ERC1: variants seen among roughly 807,000 people sequenced by gnomAD.
ERC1 encodes the protein RAB6 interacting protein 2.
Under a neutral mutation model 132.0 loss-of-function variants are expected in ERC1, and 56 were observed. The observed-to-expected ratio is 0.42, with a 90% confidence interval of 0.34 to 0.53. The LOEUF (loss-of-function observed/expected upper bound fraction) is 0.53. Ranked by LOEUF, ERC1 falls within the 20% of genes least tolerant of loss-of-function variation. The pLI is 0.03. For missense variants in ERC1, 1,202 were observed against 1,349.9 expected (o/e 0.89, Z 1.72); for synonymous variants, 478 against 476.1 (o/e 1.00, Z -0.05).
chr12:1,432,484 G>A (rs2092825704), intron 17 of ERC1, among the ~76,000 whole-genome samples: 1 of 152,216 alleles, frequency 6.6e-6, no homozygotes, highest in African/African-American at 2.4e-5. Flanking sequence ...TCCTCAGGGT[G>A]AGGATGTCAG....
At chr12:1,472,997 C>T (rs1055630272) in intron 18 of ERC1, among the ~76,000 whole-genome samples, 3 of 152,094 alleles carry the variant, frequency 2.0e-5, no homozygotes, top group South Asian at 4.1e-4. Context: ...TTTGGATAGA[C>T]AGACCCGAAT....
At chr12:1,396,187 C>T (rs1404539678) in intron 16 of ERC1, among the ~76,000 whole-genome samples, 1 of 152,176 alleles carries the variant, frequency 6.6e-6, no homozygotes, top group Admixed American at 6.5e-5. Flanking sequence ...AGATAACTCA[C>T]TGTGGTAACA....
At chr12:1,231,434 G>A (rs954853945) in intron 12 of ERC1, among the ~76,000 whole-genome samples, 1 of 152,084 alleles carries the variant, frequency 6.6e-6, no homozygotes, top group African/African-American at 2.4e-5. Context: ...TTTTATGCTA[G>A]TTAAAATTGA....
chr12:1,151,582 G>A (rs1046643586), intron 8 of ERC1, among the ~76,000 whole-genome samples: 1 of 152,134 alleles, frequency 6.6e-6, no homozygotes, highest in Non-Finnish European at 1.5e-5. Flanking sequence ...TTCCTTGGAG[G>A]TTTATACAAA....
At chr12:1,285,372 CAA>C (rs1296310501) in intron 14 of ERC1, among the ~76,000 whole-genome samples, 1 of 152,072 alleles carries the variant, frequency 6.6e-6, no homozygotes, top group Non-Finnish European at 1.5e-5. Context: ...TTTTATAAAA[CAA>C]ATCCACAAAG....
chr12:1,369,886 T>C (rs2087022369), intron 15 of ERC1, among the ~76,000 whole-genome samples: 1 of 152,220 alleles, frequency 6.6e-6, no homozygotes, highest in Non-Finnish European at 1.5e-5. Flanking sequence ...CGAGTACACA[T>C]CTTCTATTTG....
intron 17 of ERC1, among the ~76,000 whole-genome samples, chr12:1,438,590 AT>A (rs1483608906): frequency 6.6e-6 from 1 of 152,208 alleles, no homozygotes; most frequent in African/African-American, 2.4e-5. Flanking sequence ...CGTAGTAGAT[AT>A]AAAAATAATT....
At chr12:1,245,748 G>C (rs1191493505) in intron 13 of ERC1, among the ~76,000 whole-genome samples, 1 of 152,044 alleles carries the variant, frequency 6.6e-6, no homozygotes, top group African/African-American at 2.4e-5. Context: ...ACACTTTTTT[G>C]TCATTTATCA....
At chr12:1,388,138 G>C (rs1035851688) in intron 16 of ERC1, among the ~76,000 whole-genome samples, 2 of 152,080 alleles carry the variant, frequency 1.3e-5, no homozygotes, top group African/African-American at 4.8e-5. Context: ...GAGGCGGGCG[G>C]ATCAGGAGGT....
At position 1,490,365 on chromosome 12, in the gene ERC1, G is replaced by A. The variant is rs1185221467; in HGVS notation, c.*135G>A. The A allele has an allele frequency of 2.4e-6, 2 of 830,440 alleles. No homozygotes were observed. The highest frequency in any genetic ancestry group is 1.9e-6 in the Non-Finnish European group (1 of 540,282). 51.4% of individuals were successfully genotyped at this position (830,440 alleles called of 1,614,324 possible). A position where few individuals can be genotyped will look rare whatever the true frequency, so the allele number is the denominator to read the frequency against. On this transcript the variant is annotated 3_prime_UTR_variant, in exon 19 of 19. Transcript: ENST00000360905. Reference sequence around the variant, plus strand: ...CCAACTTGCTCACTTGAAGAAGTGTGATTCCAGCACCGTTTCTACATCTGC... The same window carrying A: ...CCAACTTGCTCACTTGAAGAAGTGTAATTCCAGCACCGTTTCTACATCTGC...
At chr12:1,073,909 T>G (rs1181835432) in intron 2 of ERC1, among the ~76,000 whole-genome samples, 1 of 121,652 alleles carries the variant, frequency 8.2e-6, no homozygotes, top group Non-Finnish European at 1.6e-5. Flanking sequence ...GCTGTGTCGC[T>G]AGGCTGGAGT....
At chr12:1,103,984 C>T (rs113438729) in intron 3 of ERC1, among the ~76,000 whole-genome samples, 1,503 of 139,414 alleles carry the variant, frequency 0.011, 15 homozygotes, top group Admixed American at 0.026. Context: ...AGAGCCTGTC[C>T]CCAGGGTACT....
At chr12:1,339,544 C>G (rs927028678) in intron 15 of ERC1, among the ~76,000 whole-genome samples, 5 of 148,402 alleles carry the variant, frequency 3.4e-5, no homozygotes, top group African/African-American at 1.3e-4. Context: ...TAGGCATTCA[C>G]TGCAGTGGCA....
At chr12:1,337,232 G>A (rs2083391082) in intron 15 of ERC1, among the ~76,000 whole-genome samples, 2 of 151,982 alleles carry the variant, frequency 1.3e-5, no homozygotes, top group African/African-American at 4.8e-5. Flanking sequence ...GGGTGCTCCT[G>A]TGTCAGGTGC....
intron 18 of ERC1, among the ~76,000 whole-genome samples, chr12:1,458,494 G>A (rs2093584656): frequency 1.3e-5 from 2 of 150,314 alleles, no homozygotes; most frequent in South Asian, 2.1e-4. Flanking sequence ...TTATATATGT[G>A]TATATGTGTA....
At chr12:1,434,599 C>A (rs566756950) in intron 17 of ERC1, among the ~76,000 whole-genome samples, 20 of 152,320 alleles carry the variant, frequency 1.3e-4, no homozygotes, top group African/African-American at 4.6e-4. Flanking sequence ...GGGCTGCCCC[C>A]CTTTGCCACT....
At chr12:1,081,148 A>G (rs958661990) in intron 2 of ERC1, among the ~76,000 whole-genome samples, 9 of 152,094 alleles carry the variant, frequency 5.9e-5, no homozygotes, top group African/African-American at 2.2e-4. Context: ...ATGATCTTTT[A>G]TTGTTGCTTC....
chr12:1,268,238 A>AATTCTTTAC (rs1477774901), intron 14 of ERC1, among the ~76,000 whole-genome samples: 1 of 152,196 alleles, frequency 6.6e-6, no homozygotes, highest in African/African-American at 2.4e-5. Context: ...TTATAAACAT[A>AATTCTTTAC]ATTCTTTACT....
intron 18 of ERC1, among the ~76,000 whole-genome samples, chr12:1,464,696 T>G (rs1370163692): frequency 6.6e-6 from 1 of 151,610 alleles, no homozygotes; most frequent in Non-Finnish European, 1.5e-5. Context: ...AATTTTTGTA[T>G]TTTTAGTAAG....
Sources: gnomAD v4.1 joint callset for allele counts (sites outside exome capture counted in the v4.1 genomes callset) on GRCh38, gnomAD v4.1.1 for gene constraint, MANE v1.5 for transcripts, NCBI Gene and HGNC (gene_info 2026-07-23, HGNC 2026-07-21) for gene names.